CSMD1: variants seen among roughly 807,000 people sequenced by gnomAD.
CSMD1 encodes the protein CUB and sushi domain-containing protein 1.
In CSMD1, 213 loss-of-function variants were observed where a neutral mutation model predicts 417.5. The ratio of observed to expected loss-of-function variants is 0.51; its 90% CI spans 0.46 to 0.57. The LOEUF is 0.57. Ranked by LOEUF, CSMD1 falls within the 20% of genes least tolerant of loss-of-function variation. The probability of loss-of-function intolerance (pLI) is 0.00; values close to 1 mark genes in which losing one functional copy is unlikely to be tolerated. For synonymous variants in CSMD1, 2,862 were observed against 1,736.8 expected, an observed-to-expected ratio of 1.65 and a Z score of -16.11; for missense variants, 6,923 against 4,529.7, an observed-to-expected ratio of 1.53 and a Z score of -15.17.
At chr8:3,631,386 G>A (rs1043555372) in intron 7 of CSMD1, among the ~76,000 whole-genome samples, 4 of 152,332 alleles carry the variant, frequency 2.6e-5, no homozygotes, top group East Asian at 1.9e-4. Context: ...GGTAGTCAGT[G>A]ACTGGAGTAG....
At chr8:4,794,402 T>C (rs1797860759) in intron 1 of CSMD1, among the ~76,000 whole-genome samples, 1 of 152,206 alleles carries the variant, frequency 6.6e-6, no homozygotes, top group Admixed American at 6.5e-5. Flanking sequence ...ATCAAGACAC[T>C]ATTACATTTA....
chr8:4,204,856 T>C (rs941542499), intron 3 of CSMD1, among the ~76,000 whole-genome samples: 2 of 152,070 alleles, frequency 1.3e-5, no homozygotes, highest in East Asian at 1.9e-4. Flanking sequence ...AGACAGGGTA[T>C]CACTATATTC....
intron 6 of CSMD1, among the ~76,000 whole-genome samples, chr8:3,718,735 G>C (rs1467826857): frequency 1.3e-5 from 2 of 152,154 alleles, no homozygotes; most frequent in East Asian, 3.9e-4. Context: ...TTTACTGGAA[G>C]AAAGGCAATT....
chr8:3,716,515 A>C (rs540560837), intron 6 of CSMD1, among the ~76,000 whole-genome samples: 14 of 152,224 alleles, frequency 9.2e-5, no homozygotes, highest in African/African-American at 3.1e-4. Flanking sequence ...CATGGTGCTG[A>C]TGTGAGTGCA....
rs536721023 is a variant in CSMD1, at chr8:3,308,623, T to A, written c.3632-120A>T. On this transcript the variant is annotated intron_variant, in intron 23 of 69. Coordinates refer to ENST00000635120, the MANE Select transcript of CSMD1 (RefSeq NM_033225.6). The stretch of plus-strand genomic sequence containing the variant: ...GAAGGGTAGGGAGAAAAAAGGAGAT[T>A]GTGAATTTACAAAGGGGAAAAGAAA... 32 of 722,456 alleles carry A rather than the reference T, an allele frequency of 4.4e-5. No homozygotes were observed. The South Asian group carries it at 6.6e-4, about 15-fold the overall frequency. The allele number at this position is 722,456 out of a possible 1,614,324, so 44.8% of individuals were successfully genotyped here.
At chr8:3,625,666 C>G (rs1176866746) in intron 7 of CSMD1, among the ~76,000 whole-genome samples, 3 of 152,076 alleles carry the variant, frequency 2.0e-5, no homozygotes, top group Admixed American at 1.3e-4. Context: ...AAAAATAACT[C>G]TATTGTACAT....
intron 11 of CSMD1, among the ~76,000 whole-genome samples, chr8:3,475,415 T>C (rs757669542): frequency 6.6e-6 from 1 of 152,186 alleles, no homozygotes; most frequent in Non-Finnish European, 1.5e-5. Context: ...CAGCTACATG[T>C]TTAAATTTTA....
At chr8:4,880,470 C>T (rs1168882261) in intron 1 of CSMD1, among the ~76,000 whole-genome samples, 2 of 152,066 alleles carry the variant, frequency 1.3e-5, no homozygotes, top group South Asian at 2.1e-4. Flanking sequence ...GAGGAATTTC[C>T]TGTGCTGTTG....
chr8:3,097,436 T>C (rs1159849948), intron 46 of CSMD1, among the ~76,000 whole-genome samples: 3 of 147,130 alleles, frequency 2.0e-5, no homozygotes, highest in African/African-American at 7.3e-5. Context: ...CTCATATTTA[T>C]TTTGGCTTTA....
intron 3 of CSMD1, among the ~76,000 whole-genome samples, chr8:4,379,368 T>A (rs1584984177): frequency 6.6e-6 from 1 of 152,188 alleles, no homozygotes. Context: ...GAGGAATAAA[T>A]AGAATGTAGA....
intron 26 of CSMD1, among the ~76,000 whole-genome samples, chr8:3,269,308 G>C (rs567097569): frequency 6.6e-6 from 1 of 152,202 alleles, no homozygotes; most frequent in Admixed American, 6.5e-5. Flanking sequence ...GGAAGATGCC[G>C]AGAGCAGAGG....
intron 62 of CSMD1, 83 bp from the exon 63 acceptor site, chr8:2,957,890 G>C (rs985547000): frequency 3.2e-6 from 3 of 925,356 alleles, no homozygotes; most frequent in Non-Finnish European, 5.1e-6. Flanking sequence ...GTACACGCCC[G>C]AGTAAAAGTA....
intron 33 of CSMD1, 45 bp downstream of exon 33, chr8:3,199,669 G>A (rs1214991099): frequency 1.5e-6 from 2 of 1,357,832 alleles, no homozygotes; most frequent in Non-Finnish European, 2.0e-6. Flanking sequence ...TGCAGCATCA[G>A]GAAAGACCAC....
At chr8:3,641,675 C>G (rs1218548464) in intron 7 of CSMD1, among the ~76,000 whole-genome samples, 3 of 152,142 alleles carry the variant, frequency 2.0e-5, no homozygotes, top group Non-Finnish European at 4.4e-5. Flanking sequence ...ACAGCTTTTG[C>G]CCCAACAGAG....
At chr8:3,889,283 G>A (rs538418120) in intron 5 of CSMD1, among the ~76,000 whole-genome samples, 2 of 151,382 alleles carry the variant, frequency 1.3e-5, no homozygotes, top group African/African-American at 2.4e-5. Flanking sequence ...GAAAGCCATT[G>A]CCTTTTTTTT....
At chr8:3,297,676 A>G (rs1352122713) in intron 25 of CSMD1, among the ~76,000 whole-genome samples, 3 of 152,234 alleles carry the variant, frequency 2.0e-5, no homozygotes, top group Admixed American at 2.0e-4. Flanking sequence ...AGAGATGTAA[A>G]TGTGAAAGGT....
intron 7 of CSMD1, among the ~76,000 whole-genome samples, chr8:3,664,031 A>G (rs186840648): frequency 3.3e-5 from 5 of 152,266 alleles, no homozygotes; most frequent in African/African-American, 1.2e-4. Flanking sequence ...TTAATCTTAA[A>G]TTTTGTTATT....
intron 65 of CSMD1, among the ~76,000 whole-genome samples, chr8:2,952,040 A>C (rs746350271): frequency 2.4e-4 from 37 of 152,354 alleles, no homozygotes; most frequent in South Asian, 2.1e-3. Context: ...TTCACGGCTT[A>C]AGAAAAAAAT....
chr8:4,645,675 G>T (rs1316669644), intron 1 of CSMD1, among the ~76,000 whole-genome samples: 2 of 151,996 alleles, frequency 1.3e-5, no homozygotes, highest in South Asian at 2.1e-4. Flanking sequence ...ACACAGAAAA[G>T]AAAAAAGATG....
Sources: allele counts gnomAD v4.1 joint callset (sites outside exome capture counted in the v4.1 genomes callset), GRCh38; gene constraint gnomAD v4.1.1; transcripts MANE v1.5; gene names NCBI Gene and HGNC (gene_info 2026-07-23, HGNC 2026-07-21).